The following FGF12 variants were observed in gnomAD, a reference collection of about 807,000 sequenced individuals.
FGF12 encodes fibroblast growth factor 12.
Under a neutral mutation model 23.6 loss-of-function variants are expected in FGF12, and 14 were observed. That is an observed-to-expected ratio of 0.59 (90% CI 0.39 to 0.93). FGF12 has a LOEUF of 0.93. Ranked by LOEUF, FGF12 falls within the 40% of genes least tolerant of loss-of-function variation. FGF12 has a pLI of 0.00. For missense variants in FGF12, 175 were observed against 217.8 expected, an observed-to-expected ratio of 0.80 and a Z score of 1.24; for synonymous variants, 62 against 77.3, an observed-to-expected ratio of 0.80 and a Z score of 1.04.
At chr3:192,556,319 G>A (rs1711773157) in intron 2 of FGF12, among the ~76,000 whole-genome samples, 1 of 152,162 alleles carries the variant, frequency 6.6e-6, no homozygotes, top group South Asian at 2.1e-4. Flanking sequence ...AAAGTGAAGA[G>A]ATGGAAAAGA....
chr3:192,172,863 C>T (rs1395271833), intron 4 of FGF12, among the ~76,000 whole-genome samples: 3 of 151,014 alleles, frequency 2.0e-5, no homozygotes, highest in Non-Finnish European at 3.0e-5. Flanking sequence ...TGACATCATT[C>T]ATAATGTGGA....
chr3:192,718,999 AAGAG>A (rs754046713), intron 2 of FGF12, among the ~76,000 whole-genome samples: 19 of 152,120 alleles, frequency 1.2e-4, no homozygotes, highest in Admixed American at 3.9e-4. Context: ...AAAAAAAAAA[AAGAG>A]AGAGAGGTTT....
chr3:192,389,179 G>C (rs1241977306), intron 2 of FGF12, among the ~76,000 whole-genome samples: 2 of 152,192 alleles, frequency 1.3e-5, no homozygotes, highest in East Asian at 3.9e-4. Flanking sequence ...GGGCAACATG[G>C]CGAAACCCCA....
chr3:192,706,993 G>A (rs144732072), intron 2 of FGF12, among the ~76,000 whole-genome samples: 157 of 152,226 alleles, frequency 1.0e-3, no homozygotes, highest in African/African-American at 3.6e-3. Context: ...TGAGGAAAAG[G>A]ACAAGACAGT....
chr3:192,432,855 G>A (rs1007309504), intron 2 of FGF12, among the ~76,000 whole-genome samples: 1 of 152,104 alleles, frequency 6.6e-6, no homozygotes, highest in Non-Finnish European at 1.5e-5. Context: ...ACTGAGATAT[G>A]AGCATGTGTT....
intron 2 of FGF12, among the ~76,000 whole-genome samples, chr3:192,657,011 CA>C (rs1164588301): frequency 6.6e-6 from 1 of 152,052 alleles, no homozygotes; most frequent in Non-Finnish European, 1.5e-5. Flanking sequence ...TTATAAACAA[CA>C]GAGGTCCCCA....
intron 2 of FGF12, among the ~76,000 whole-genome samples, chr3:192,484,453 C>T (rs9828220): frequency 1.1e-3 from 174 of 152,152 alleles, no homozygotes; most frequent in African/African-American, 4.0e-3. Context: ...GATTACAGCT[C>T]GCATATCCCC....
chr3:192,351,533 T>C (rs1718220135), intron 3 of FGF12, among the ~76,000 whole-genome samples: 1 of 152,210 alleles, frequency 6.6e-6, no homozygotes, highest in Non-Finnish European at 1.5e-5. Flanking sequence ...CTTCAGGCCC[T>C]AGGCAGGTAG....
chr3:192,449,071 C>G (rs1256067506), intron 2 of FGF12, among the ~76,000 whole-genome samples: 1 of 152,118 alleles, frequency 6.6e-6, no homozygotes, highest in Non-Finnish European at 1.5e-5. Context: ...TCATTCAGTC[C>G]TTCCGATACC....
intron 4 of FGF12, among the ~76,000 whole-genome samples, chr3:192,175,225 C>T (rs1577204540): frequency 6.6e-6 from 1 of 152,094 alleles, no homozygotes; most frequent in East Asian, 1.9e-4. Context: ...AAATCCCAGG[C>T]CACCTTGATC....
At chr3:192,189,682 A>T (rs546419549) in intron 4 of FGF12, among the ~76,000 whole-genome samples, 1 of 152,322 alleles carries the variant, frequency 6.6e-6, no homozygotes, top group Admixed American at 6.5e-5. Flanking sequence ...AGGCAACAAG[A>T]GAGTAGCTAT....
At chr3:192,726,351 T>C (rs1719213657) in intron 2 of FGF12, among the ~76,000 whole-genome samples, 1 of 152,184 alleles carries the variant, frequency 6.6e-6, no homozygotes, top group Admixed American at 6.5e-5. Context: ...CACTCAAGGC[T>C]CTCACAACCT....
chr3:192,364,091 C>T (rs189597298), intron 2 of FGF12, among the ~76,000 whole-genome samples: 2 of 152,234 alleles, frequency 1.3e-5, no homozygotes, highest in East Asian at 3.9e-4. Context: ...AGTAGGATTG[C>T]CATAGGCAAG....
At chr3:192,171,954 T>C (rs1363739495) in intron 4 of FGF12, among the ~76,000 whole-genome samples, 7 of 152,104 alleles carry the variant, frequency 4.6e-5, no homozygotes, top group African/African-American at 1.7e-4. Context: ...CTATGTTGCA[T>C]AGGCTGGCCT....
chr3:192,685,751 C>T (rs1369234234), intron 2 of FGF12, among the ~76,000 whole-genome samples: 1 of 152,168 alleles, frequency 6.6e-6, no homozygotes, highest in Non-Finnish European at 1.5e-5. Flanking sequence ...AATAATAATA[C>T]TTCCAAATCT....
intron 2 of FGF12, among the ~76,000 whole-genome samples, chr3:192,381,518 A>T (rs918479917): frequency 6.6e-6 from 1 of 152,132 alleles, no homozygotes; most frequent in African/African-American, 2.4e-5. Context: ...CTAAATAAAT[A>T]ATGCCACAAT....
At chr3:192,493,356 C>A (rs2108827577) in intron 2 of FGF12, among the ~76,000 whole-genome samples, 1 of 152,280 alleles carries the variant, frequency 6.6e-6, no homozygotes, top group Non-Finnish European at 1.5e-5. Flanking sequence ...AAATGGACTT[C>A]TTCTTAACTA....
At chr3:192,427,610 C>A (rs9816537) in intron 2 of FGF12, among the ~76,000 whole-genome samples, 1 of 152,088 alleles carries the variant, frequency 6.6e-6, no homozygotes, top group African/African-American at 2.4e-5. Context: ...TAAATAAATA[C>A]AAATAGCAGT....
intron 4 of FGF12, among the ~76,000 whole-genome samples, chr3:192,293,241 GA>G (rs11306855): frequency 0.42 from 63,875 of 150,802 alleles, 14,277 homozygotes; most frequent in East Asian, 0.91. Flanking sequence ...GATGTTTACT[GA>G]AAAAAAAATG....
Sources: allele counts gnomAD v4.1 joint callset (sites outside exome capture counted in the v4.1 genomes callset), GRCh38; gene constraint gnomAD v4.1.1; transcripts MANE v1.5; gene names NCBI Gene and HGNC (gene_info 2026-07-23, HGNC 2026-07-21).